MAP2K6: variants seen among roughly 807,000 people sequenced by gnomAD.
MAP2K6 encodes mitogen-activated protein kinase kinase 6, also known as dual specificity mitogen-activated protein kinase kinase 6.
In MAP2K6, 16 loss-of-function variants were observed where a neutral mutation model predicts 53.7. The ratio of observed to expected loss-of-function variants is 0.30; its 90% CI spans 0.20 to 0.45. MAP2K6 has a LOEUF of 0.45. Among genes scored for constraint, MAP2K6 ranks in the 20% least tolerant of loss-of-function variants. The pLI, the probability that MAP2K6 is intolerant of heterozygous loss-of-function variation, is 1.00. For synonymous variants in MAP2K6, 132 were observed against 143.1 expected (o/e 0.92, Z 0.55); for missense variants, 204 against 411.9 (o/e 0.50, Z 4.37).
chr17:69,445,326 T>A (rs1906937772), intron 1 of MAP2K6, among the ~76,000 whole-genome samples: 1 of 152,190 alleles, frequency 6.6e-6, no homozygotes, highest in Non-Finnish European at 1.5e-5. Context: ...GGGTCTTAGA[T>A]TACTTCCTGA....
At chr17:69,443,072 A>G (rs1335335729) in intron 1 of MAP2K6, among the ~76,000 whole-genome samples, 1 of 152,042 alleles carries the variant, frequency 6.6e-6, no homozygotes, top group Non-Finnish European at 1.5e-5. Flanking sequence ...GTTTATATTC[A>G]GCTTGTTTTT....
At chr17:69,424,989 A>G (rs866070577) in intron 1 of MAP2K6, among the ~76,000 whole-genome samples, 1 of 152,248 alleles carries the variant, frequency 6.6e-6, no homozygotes, top group Non-Finnish European at 1.5e-5. Flanking sequence ...AGGTTGTATC[A>G]CACAGAAACT....
At chr17:69,533,809 G>A (rs1192269056) in intron 10 of MAP2K6, among the ~76,000 whole-genome samples, 1 of 144,640 alleles carries the variant, frequency 6.9e-6, no homozygotes, top group Non-Finnish European at 1.5e-5. Flanking sequence ...CTTCTTCTGT[G>A]TTTCTTTCTA....
rs746993199 is a variant in MAP2K6 at position 69,512,339 on chromosome 17, G to GTTTTTTTTTTTT, written c.84-4509_84-4498dup. ...TTGTCTTTCTAAGTGTTTTTTTTTT[G>GTTTTTTTTTTTT]TTTTTTTTTTTTTTTTTTGAGACAG... is the stretch of plus-strand genomic sequence containing the variant. On this transcript the variant is annotated intron_variant, in intron 2 of 11. Transcript: ENST00000590474. Among the ~76,000 whole-genome samples, 4 of 82,112 alleles carry GTTTTTTTTTTTT rather than the reference G, an allele frequency of 4.9e-5. 1 individual carries two copies. Among genetic ancestry groups the GTTTTTTTTTTTT allele is most frequent in the Non-Finnish European group, 6.8e-5 (3 of 44,428 alleles). The allele number at this position is 82,112 out of a possible 152,430, so 53.9% of individuals were successfully genotyped here. A position where few individuals can be genotyped will look rare whatever the true frequency, so the allele number is the denominator to read the frequency against.
At chr17:69,508,584 C>T (rs1387569005) in intron 2 of MAP2K6, among the ~76,000 whole-genome samples, 3 of 152,062 alleles carry the variant, frequency 2.0e-5, no homozygotes, top group African/African-American at 7.2e-5. Context: ...AAATATTTTT[C>T]CCAGTTTGTA....
intron 1 of MAP2K6, among the ~76,000 whole-genome samples, chr17:69,441,652 G>A: frequency 6.6e-6 from 1 of 152,094 alleles, no homozygotes; most frequent in East Asian, 1.9e-4. Context: ...CTATTTCTTG[G>A]TATGACAAGT....
In MAP2K6 at chr17:69,494,862, G is replaced by A. The variant is rs1462225969; in HGVS notation, c.17-10918G>A. ...TTCTACTAAAAATACAAAATTAGCC[G>A]GGCATGGTGGCGCACTTCTGTAATC... is the stretch of plus-strand genomic sequence containing the variant. On this transcript the variant is annotated intron_variant, in intron 1 of 11. Transcript: ENST00000590474. The surrounding 1 kb of genome is among the most constrained non-coding windows in gnomAD (Gnocchi z 4.2). 4.6e-5 allele frequency among the ~76,000 whole-genome samples: 7 copies of A among 151,980 alleles called. No homozygotes were observed. In the East Asian group the frequency reaches 1.4e-3, roughly 30 times the overall value.
intron 1 of MAP2K6, among the ~76,000 whole-genome samples, chr17:69,449,539 TTC>T (rs1567821706): frequency 9.5e-6 from 1 of 105,364 alleles, no homozygotes; most frequent in Non-Finnish European, 1.9e-5. Context: ...TTGTCTTTCT[TTC>T]TTTCTTTCTT....
chr17:69,505,905 G>A (rs1416420025), intron 2 of MAP2K6, 59 bp downstream of exon 2: 1 of 1,497,710 alleles, frequency 6.7e-7, no homozygotes, highest in African/African-American at 1.4e-5. Flanking sequence ...TTCCTCCTGG[G>A]GGTTTATTTT....
Position 69,548,983 on chromosome 17 carries a change from A to C in MAP2K6, c.*7230A>C, listed in dbSNP as rs1378826647. On this transcript the variant is annotated 3_prime_UTR_variant, in exon 12 of 12. Transcript: ENST00000590474. ...AAAGTAAAAAATTTTGTAGTAGGGA[A>C]TTTTTGTTGGTAAGAAATCAGTATC... 6.6e-6 allele frequency: 1 copy of C among 152,152 alleles called. No homozygotes were observed. Among genetic ancestry groups the C allele is most frequent in the Non-Finnish European group, 1.5e-5 (1 of 68,026 alleles). 9.4% of individuals were successfully genotyped at this position (152,152 alleles called of 1,614,324 possible).
chr17:69,424,251 G>A (rs1308691012), intron 1 of MAP2K6, among the ~76,000 whole-genome samples: 1 of 151,962 alleles, frequency 6.6e-6, no homozygotes, highest in Non-Finnish European at 1.5e-5. Flanking sequence ...GAAAATGAAG[G>A]GAGGTGAAAG....
rs1325168925 is a variant in MAP2K6, at chr17:69,414,877, A to G, written c.-108A>G. On this transcript the variant is annotated 5_prime_UTR_variant, in exon 1 of 12. It removes an upstream start codon present in the reference 5' UTR. Transcript: ENST00000590474. The stretch of plus-strand genomic sequence containing the variant: ...ATCGGTCAAGAGAAACTCCACTTGC[A>G]TGAAGATTGCACGCCTGCAGCTTGC... 2.0e-6 allele frequency: 2 copies of G among 996,928 alleles called. No individual in the cohort carries two copies. The highest frequency in any genetic ancestry group is 2.0e-5 in the Admixed American group (1 of 49,714). The allele number at this position is 996,928 out of a possible 1,614,324, so 61.8% of individuals were successfully genotyped here.
At chr17:69,519,093 C>T (rs1910330711) in intron 4 of MAP2K6, among the ~76,000 whole-genome samples, 1 of 152,218 alleles carries the variant, frequency 6.6e-6, no homozygotes, top group African/African-American at 2.4e-5. Context: ...CCAAAACACA[C>T]TATCAATTTG....
At chr17:69,449,536 T>TCTTTCTTTC (rs1471742696) in intron 1 of MAP2K6, among the ~76,000 whole-genome samples, 5 of 49,714 alleles carry the variant, frequency 1.0e-4, no homozygotes, top group African/African-American at 3.7e-4. Context: ...TCTTTGTCTT[T>TCTTTCTTTC]CTTTCTTTCT....
At position 69,505,770 on chromosome 17, in the gene MAP2K6, T is replaced by A. The variant is rs377708190; in HGVS notation, c.17-10T>A. ...AGTCCTTAACTTTTTCCTTTTGTCT[T>A]TCCCCATAGGCAAGAAGCGAAACCC... On this transcript the variant is annotated splice_polypyrimidine_tract_variant and intron_variant, in intron 1 of 11. Transcript: ENST00000590474. 8.7e-6 allele frequency: 14 copies of A among 1,612,376 alleles called. No homozygotes were observed. In the African/African-American group the frequency reaches 1.9e-4, roughly 22 times the overall value.
intron 1 of MAP2K6, among the ~76,000 whole-genome samples, chr17:69,489,464 A>G (rs920800008): frequency 3.9e-5 from 6 of 152,246 alleles, no homozygotes; most frequent in Non-Finnish European, 7.3e-5. Context: ...AACAATTTCC[A>G]GACTTATTAC....
chr17:69,497,299 C>T (rs767090731), intron 1 of MAP2K6, among the ~76,000 whole-genome samples: 2 of 152,210 alleles, frequency 1.3e-5, no homozygotes, highest in African/African-American at 4.8e-5. Flanking sequence ...GTATTTATTG[C>T]ATTGGGGACT....
chr17:69,455,045 T>C (rs940974618), intron 1 of MAP2K6, among the ~76,000 whole-genome samples: 1 of 152,034 alleles, frequency 6.6e-6, no homozygotes, highest in African/African-American at 2.4e-5. Context: ...ATTTTTTTTT[T>C]TTTTTGGTGG....
Position 69,517,542 on chromosome 17 carries a change from C to T in MAP2K6, c.175C>T (p.Leu59=). The T allele has an allele frequency of 6.2e-7, 1 of 1,611,238 alleles. No individual in the cohort carries two copies. Among genetic ancestry groups the T allele is most frequent in the East Asian group, 2.2e-5 (1 of 44,606 alleles). The change falls in exon 4 of 12, where the codon CTG becomes TTG. Residue 59 remains leucine (L), a synonymous_variant. Transcript: ENST00000590474. The part of the protein sequence containing the change: ...KADDLEPIME[L]GRGAYGVVEK... Reference sequence around the variant, plus strand: ...AGATGACCTGGAGCCTATAATGGAACTGGGACGAGGTGCGTACGGGGTGGT... The same window carrying T: ...AGATGACCTGGAGCCTATAATGGAATTGGGACGAGGTGCGTACGGGGTGGT...
Sources: allele counts gnomAD v4.1 joint callset (sites outside exome capture counted in the v4.1 genomes callset), GRCh38; gene constraint gnomAD v4.1.1; non-coding constraint Gnocchi (gnomAD v3.1); transcripts MANE v1.5; gene names NCBI Gene and HGNC (gene_info 2026-07-23, HGNC 2026-07-21).